Variants in CENPO observed in about 807,000 individuals in gnomAD.
CENPO encodes the protein centromere protein O.
CENPO carries 30 observed loss-of-function variants against 36.1 expected under a neutral mutation model. The observed-to-expected ratio is 0.83, with a 90% confidence interval of 0.62 to 1.13. CENPO has a LOEUF of 1.13. CENPO is among the 50% of genes most tolerant of loss of function. The pLI is 0.00. For missense variants in CENPO, 349 were observed against 357.8 expected (o/e 0.98, Z 0.20); for synonymous variants, 171 against 142.3 (o/e 1.20, Z -1.44).
chr2:24,798,472 A>AT (rs1217855595), intron 2 of CENPO, among the ~76,000 whole-genome samples: 236 of 147,532 alleles, frequency 1.6e-3, no homozygotes, highest in African/African-American at 4.7e-3. Context: ...TCTCACACAA[A>AT]TTTTTTTTTT....
intron 5 of CENPO, 103 bp from the exon 6 acceptor site, chr2:24,816,543 A>C (rs915189676): frequency 6.7e-6 from 5 of 747,758 alleles, no homozygotes; most frequent in Non-Finnish European, 1.1e-5. Context: ...TCTGAAATGT[A>C]ATCGATGGGC....
chr2:24,820,317 G>T lies in CENPO; in HGVS notation c.*999G>T. Reference sequence around the variant, plus strand: ...GAGAACCCTGGAGTGACTGGCTGGGGGCCTCCTCTCATCCAGAGACTTCTC... The same window carrying T: ...GAGAACCCTGGAGTGACTGGCTGGGTGCCTCCTCTCATCCAGAGACTTCTC... On this transcript the variant is annotated 3_prime_UTR_variant, in exon 8 of 8. Transcript: ENST00000380834. The T allele has an allele frequency of 7.7e-7, 1 of 1,304,192 alleles. No individual in the cohort carries two copies. Among genetic ancestry groups the T allele is most frequent in the Non-Finnish European group, 9.8e-7 (1 of 1,021,384 alleles). The allele number at this position is 1,304,192 out of a possible 1,614,324, so 80.8% of individuals were successfully genotyped here.
At chr2:24,810,928 T>C (rs1666646297) in intron 3 of CENPO, among the ~76,000 whole-genome samples, 1 of 152,202 alleles carries the variant, frequency 6.6e-6, no homozygotes, top group Admixed American at 6.5e-5. Context: ...AATTGTTGTC[T>C]ATTGTTATTA....
intron 3 of CENPO, among the ~76,000 whole-genome samples, chr2:24,810,983 G>A (rs936922265): frequency 2.7e-5 from 4 of 150,556 alleles, no homozygotes; most frequent in African/African-American, 4.9e-5. Flanking sequence ...TCACTCTGTC[G>A]CCCAGGCTGG....
At position 24,820,495 on chromosome 2, in the gene CENPO, A is replaced by G; in HGVS notation, c.*1177A>G. ...TATTAGAAGGTTCATACCCAAAGGTAGGCCATATGCATCTAGAACTTCAGC... is the reference window on the plus strand; with the variant it reads ...TATTAGAAGGTTCATACCCAAAGGTGGGCCATATGCATCTAGAACTTCAGC... On this transcript the variant is annotated 3_prime_UTR_variant, in exon 8 of 8. Coordinates refer to ENST00000380834, the MANE Select transcript of CENPO (RefSeq NM_001322101.2). The G allele has an allele frequency of 1.4e-6, 2 of 1,398,074 alleles. No homozygotes were observed. Among genetic ancestry groups the G allele is most frequent in the Non-Finnish European group, 1.9e-6 (2 of 1,077,878 alleles). The allele number at this position is 1,398,074 out of a possible 1,614,324, so 86.6% of individuals were successfully genotyped here. A position where few individuals can be genotyped will look rare whatever the true frequency, so the allele number is the denominator to read the frequency against.
Position 24,803,539 on chromosome 2 carries a change from C to T in CENPO, c.216+3695C>T, listed in dbSNP as rs535849163. Among the ~76,000 whole-genome samples, 666 of 152,182 alleles carry T rather than the reference C, an allele frequency of 4.4e-3. 1 individual carries two copies. The highest frequency in any genetic ancestry group is 0.024 in the Middle Eastern group (7 of 294). ...TTCTGGTATGTTGTGTCTTTGTTCT[C>T]GTTGGTTTCAAAGAACATCTTTATT... On this transcript the variant is annotated intron_variant, in intron 3 of 7. Transcript: ENST00000380834.
In CENPO at chr2:24,821,899, T is replaced by C; in HGVS notation, c.*2581T>C. ...TGAGTCTGACCACGAGGCGGACCCC[T>C]TCACCTTGGCTGGGCCTGGTCCTGG... On this transcript the variant is annotated 3_prime_UTR_variant, in exon 8 of 8. Transcript: ENST00000380834. 1 of 428,432 alleles carries C rather than the reference T, an allele frequency of 2.3e-6. No homozygotes were observed. The highest frequency in any genetic ancestry group is 4.2e-6 in the Non-Finnish European group (1 of 238,608). 26.5% of individuals were successfully genotyped at this position (428,432 alleles called of 1,614,324 possible). A position where few individuals can be genotyped will look rare whatever the true frequency, so the allele number is the denominator to read the frequency against.
chr2:24,821,695 C>G lies in CENPO; in HGVS notation c.*2377C>G, dbSNP rs1667743121. 2.5e-6 allele frequency: 4 copies of G among 1,591,502 alleles called. No homozygotes were observed. The South Asian group carries it at 4.5e-5, about 18-fold the overall frequency. On this transcript the variant is annotated 3_prime_UTR_variant, in exon 8 of 8. Transcript: ENST00000380834. ...AGGGGCCGCTCACTGCAGCAGCCTG[C>G]TCTGCTGCCTTCCCTGGCAGTGTTC...
intron 6 of CENPO, 22 bp from the exon 7 acceptor site, chr2:24,817,648 T>C (rs1377579505): frequency 1.9e-6 from 3 of 1,614,070 alleles, no homozygotes; most frequent in South Asian, 2.2e-5. Flanking sequence ...CTGAATGAGA[T>C]TGATGGAATC....
At position 24,821,874 on chromosome 2, in the gene CENPO, T is replaced by G; in HGVS notation, c.*2556T>G. On this transcript the variant is annotated 3_prime_UTR_variant, in exon 8 of 8. Coordinates refer to ENST00000380834, the MANE Select transcript of CENPO (RefSeq NM_001322101.2). Reference sequence around the variant, plus strand: ...CAATTGAGCAGAGGAGACGGACCTGTGAGTCTGACCACGAGGCGGACCCCT... The same window carrying G: ...CAATTGAGCAGAGGAGACGGACCTGGGAGTCTGACCACGAGGCGGACCCCT... The G allele has an allele frequency of 1.9e-6, 1 of 515,010 alleles. No individual in the cohort carries two copies. The highest frequency in any genetic ancestry group is 2.6e-5 in the South Asian group (1 of 37,976). 31.9% of individuals were successfully genotyped at this position (515,010 alleles called of 1,614,324 possible). A position where few individuals can be genotyped will look rare whatever the true frequency, so the allele number is the denominator to read the frequency against.
At chr2:24,795,732 T>C (rs1011638013) in intron 2 of CENPO, among the ~76,000 whole-genome samples, 3 of 152,212 alleles carry the variant, frequency 2.0e-5, no homozygotes, top group Admixed American at 6.5e-5. Context: ...AATTATTCTA[T>C]GTGTGCGTGC....
chr2:24,811,161 TC>T (rs1666660352), intron 3 of CENPO, among the ~76,000 whole-genome samples: 1 of 152,036 alleles, frequency 6.6e-6, no homozygotes, highest in Non-Finnish European at 1.5e-5. Context: ...GCCAGGCTGG[TC>T]TTGAACTCCT....
intron 4 of CENPO, 58 bp downstream of exon 4, chr2:24,814,551 G>C: frequency 1.2e-6 from 1 of 816,220 alleles, no homozygotes; most frequent in Non-Finnish European, 2.2e-6. Flanking sequence ...GAGTTAGTTT[G>C]CTAGATGTGT....
At chr2:24,812,686 T>C (rs1273880243) in intron 3 of CENPO, among the ~76,000 whole-genome samples, 1 of 152,148 alleles carries the variant, frequency 6.6e-6, no homozygotes, top group African/African-American at 2.4e-5. Flanking sequence ...TCTATTAAAA[T>C]TCTAATTTGA....
At chr2:24,814,013 C>A (rs1395801585) in intron 3 of CENPO, among the ~76,000 whole-genome samples, 1 of 152,184 alleles carries the variant, frequency 6.6e-6, no homozygotes, top group Non-Finnish European at 1.5e-5. Context: ...CACTTGAAAC[C>A]CCACACTGTC....
intron 3 of CENPO, among the ~76,000 whole-genome samples, chr2:24,802,962 CT>C (rs1299286907): frequency 2.6e-5 from 4 of 152,062 alleles, no homozygotes; most frequent in African/African-American, 9.7e-5. Flanking sequence ...TGGTCTTGGA[CT>C]TTTTTTGGTT....
intron 3 of CENPO, among the ~76,000 whole-genome samples, 160 bp from the exon 4 acceptor site, chr2:24,814,216 C>T (rs1361602754): frequency 1.3e-5 from 2 of 152,218 alleles, no homozygotes; most frequent in African/African-American, 4.8e-5. Flanking sequence ...TGAGATTCTT[C>T]CTCTGCAGTG....
chr2:24,798,834 G>A (rs2148253290), intron 2 of CENPO, among the ~76,000 whole-genome samples: 1 of 152,180 alleles, frequency 6.6e-6, no homozygotes, highest in Non-Finnish European at 1.5e-5. Context: ...TAATTGGATA[G>A]GTGAATGAGA....
At chr2:24,810,229 T>C (rs1434875366) in intron 3 of CENPO, among the ~76,000 whole-genome samples, 1 of 151,918 alleles carries the variant, frequency 6.6e-6, no homozygotes, top group Admixed American at 6.6e-5. Context: ...TTTAGTTGAC[T>C]TTTTTTTATT....
Sources: gnomAD v4.1 joint callset for allele counts (sites outside exome capture counted in the v4.1 genomes callset) on GRCh38, gnomAD v4.1.1 for gene constraint, MANE v1.5 for transcripts, NCBI Gene and HGNC (gene_info 2026-07-23, HGNC 2026-07-21) for gene names.